The following FBN1 variants were observed in gnomAD, a reference collection of about 807,000 sequenced individuals.
FBN1 encodes the protein fibrillin 1.
A neutral mutation model predicts 365.1 loss-of-function variants in FBN1; 29 were observed. The observed-to-expected ratio is 0.08, with a 90% CI of 0.06 to 0.11. FBN1 has a LOEUF of 0.11. Ranked by LOEUF, FBN1 falls within the 10% of genes least tolerant of loss-of-function variation. The probability of loss-of-function intolerance (pLI) is 1.00; values close to 1 mark genes in which losing one functional copy is unlikely to be tolerated. For synonymous variants in FBN1, 1,210 were observed against 1,270.5 expected (o/e 0.95, Z 1.01); for missense variants, 2,476 against 3,703.2 (o/e 0.67, Z 8.60).
At chr15:48,468,144 T>C in intron 37 of FBN1, 42 bp from the exon 38 acceptor site, 2 of 1,611,012 alleles carry the variant, frequency 1.2e-6, no homozygotes, top group Non-Finnish European at 8.5e-7. Context: ...GGCAGAATCT[T>C]TCTACTGGGG....
At chr15:48,477,568 T>C (rs909507813) in intron 32 of FBN1, among the ~76,000 whole-genome samples, 3 of 152,146 alleles carry the variant, frequency 2.0e-5, no homozygotes, top group Admixed American at 6.5e-5. Context: ...ATTGTTTCTG[T>C]GGCAGACTTG....
At chr15:48,581,071 C>A (rs140346390) in intron 6 of FBN1, among the ~76,000 whole-genome samples, 1 of 152,128 alleles carries the variant, frequency 6.6e-6, no homozygotes, top group African/African-American at 2.4e-5. Flanking sequence ...CACCATCAAC[C>A]CATGTCCTAT....
chr15:48,635,618 G>A (rs1890078512), intron 2 of FBN1, among the ~76,000 whole-genome samples: 1 of 152,126 alleles, frequency 6.6e-6, no homozygotes, highest in Admixed American at 6.5e-5. Flanking sequence ...ACAGAAGAAA[G>A]TTAAAACATA....
Position 48,513,440 on chromosome 15 carries a change from G to A in FBN1, c.1588+109C>T, listed in dbSNP as rs2306352. 403,543 of 1,491,864 alleles carry A rather than the reference G, an allele frequency of 0.27. 61,862 individuals are homozygous for A. The highest frequency in any genetic ancestry group is 0.65 in the African/African-American group (47,285 of 72,670). The allele number at this position is 1,491,864 out of a possible 1,614,324, so 92.4% of individuals were successfully genotyped here. A position where few individuals can be genotyped will look rare whatever the true frequency, so the allele number is the denominator to read the frequency against. On this transcript the variant is annotated intron_variant, in intron 13 of 65. Transcript: ENST00000316623. ...CTAAGTTCAAAAAAGCCACGGGACT[G>A]TATTAGTCTCTTCCGGCATGGGTTA...
chr15:48,490,440 G>C (rs1334611834), intron 24 of FBN1, among the ~76,000 whole-genome samples: 2 of 152,120 alleles, frequency 1.3e-5, no homozygotes, highest in African/African-American at 2.4e-5. Context: ...GTCTTGGCAT[G>C]TCCTCCACAG....
chr15:48,603,630 G>A (rs758540768), intron 4 of FBN1, among the ~76,000 whole-genome samples: 3 of 152,088 alleles, frequency 2.0e-5, no homozygotes, highest in African/African-American at 2.4e-5. Flanking sequence ...CAAGTTCTAC[G>A]TCTCTTAAAA....
chr15:48,526,208 A>C lies in FBN1; in HGVS notation c.910T>G (p.Cys304Gly). The C allele has an allele frequency of 6.2e-7, 1 of 1,614,076 alleles. No individual in the cohort carries two copies. Among genetic ancestry groups the C allele is most frequent in the African/African-American group, 1.3e-5 (1 of 75,028 alleles). ...TIPGICEGGECTNTVSSYFCK... is the reference protein window; with the variant it reads ...TIPGICEGGEGTNTVSSYFCK... ...AAGTAACTGCTGACTGTGTTTGTAC[A>C]TTCACCCCCTTCACAGATTCCAGGA... The change falls in exon 9 of 66, where the codon TGT (cysteine) becomes GGT (glycine). Residue 304 changes from cysteine (C) to glycine (G), a missense_variant. Cys to Gly is a radical substitution (Grantham distance 159). Coordinates refer to ENST00000316623, the MANE Select transcript of FBN1 (RefSeq NM_000138.5).
chr15:48,451,771 A>T (rs1014916144), intron 45 of FBN1, among the ~76,000 whole-genome samples: 1 of 152,242 alleles, frequency 6.6e-6, no homozygotes, highest in Non-Finnish European at 1.5e-5. Context: ...GAATTACTTA[A>T]AAACTTACAA....
intron 46 of FBN1, among the ~76,000 whole-genome samples, chr15:48,448,285 T>TG (rs1314942734): frequency 1.3e-5 from 2 of 152,174 alleles, no homozygotes; most frequent in Non-Finnish European, 2.9e-5. Flanking sequence ...ATCAGCATCC[T>TG]GATAATAGAG....
At chr15:48,505,627 A>G (rs1228690079) in intron 15 of FBN1, among the ~76,000 whole-genome samples, 2 of 152,244 alleles carry the variant, frequency 1.3e-5, no homozygotes, top group Non-Finnish European at 2.9e-5. Context: ...CCTAAAATTA[A>G]AGGATATACA....
chr15:48,526,355 C>T (rs2043914944), intron 8 of FBN1, 100 bp from the exon 9 acceptor site: 5 of 1,273,534 alleles, frequency 3.9e-6, no homozygotes, highest in Non-Finnish European at 5.6e-6. Flanking sequence ...AATCATGTCC[C>T]TGGAAACAGC....
At chr15:48,612,918 T>C (rs2044667997) in intron 3 of FBN1, 92 bp downstream of exon 3, 4 of 908,222 alleles carry the variant, frequency 4.4e-6, no homozygotes, top group East Asian at 4.8e-5. Context: ...AGATTAATAG[T>C]ACAGTTACAA....
intron 6 of FBN1, among the ~76,000 whole-genome samples, chr15:48,552,281 T>C (rs2044148330): frequency 6.6e-6 from 1 of 151,754 alleles, no homozygotes; most frequent in African/African-American, 2.4e-5. Context: ...TTTTTCTTTT[T>C]TTTTTTTTTG....
intron 46 of FBN1, 134 bp from the exon 47 acceptor site, chr15:48,446,956 A>G: frequency 1.5e-6 from 1 of 668,986 alleles, no homozygotes; most frequent in East Asian, 2.7e-5. Flanking sequence ...TGTTGGTATC[A>G]GCTCCAGCAG....
intron 16 of FBN1, 61 bp downstream of exon 16, chr15:48,504,964 G>C: frequency 6.2e-7 from 1 of 1,608,966 alleles, no homozygotes; most frequent in Non-Finnish European, 8.5e-7. Flanking sequence ...GTTACCATTG[G>C]GCTTTATTGA....
chr15:48,541,160 A>G (rs1018577123), intron 6 of FBN1, among the ~76,000 whole-genome samples: 1 of 152,082 alleles, frequency 6.6e-6, no homozygotes, highest in Non-Finnish European at 1.5e-5. Context: ...TATTATTCTT[A>G]TTTCAATATG....
chr15:48,431,944 C>T (rs1411039107), intron 55 of FBN1, among the ~76,000 whole-genome samples: 5 of 152,074 alleles, frequency 3.3e-5, no homozygotes, highest in East Asian at 1.9e-4. Flanking sequence ...CATAAGCCAC[C>T]GTGCCTGGCC....
rs1555395748 is a variant in FBN1, at chr15:48,445,416, A to T, written c.5877T>A (p.Asn1959Lys). 6.2e-7 allele frequency: 1 copy of T among 1,612,672 alleles called. No homozygotes were observed. Among genetic ancestry groups the T allele is most frequent in the Non-Finnish European group, 8.5e-7 (1 of 1,179,198 alleles). ...CATCTGGAGCCACCTCATAGCCTTCATTGCACTGGCACTGGAAAGACCCCA... is the reference window on the plus strand; with the variant it reads ...CATCTGGAGCCACCTCATAGCCTTCTTTGCACTGGCACTGGAAAGACCCCA... The part of the protein sequence containing the change: ...NTVGSFQCQC[N>K]EGYEVAPDGR... Residue 1959 changes from asparagine (N) to lysine (K), a missense_variant, in exon 48 of 66, where the codon AAT (asparagine) becomes AAA (lysine). By Grantham distance (94) the Asn-to-Lys change is moderately conservative. This residue lies in a region of FBN1 where 1,780 missense variants were observed against 2,840.8 expected (regional missense o/e 0.63). Coordinates refer to ENST00000316623, the MANE Select transcript of FBN1 (RefSeq NM_000138.5).
chr15:48,533,374 A>G (rs2043988603), intron 8 of FBN1, among the ~76,000 whole-genome samples: 1 of 152,136 alleles, frequency 6.6e-6, no homozygotes, highest in Non-Finnish European at 1.5e-5. Context: ...CTGCCTACAT[A>G]TTTTCTAGAT....
Sources: gnomAD v4.1 joint callset for allele counts (sites outside exome capture counted in the v4.1 genomes callset) on GRCh38, gnomAD v4.1.1 for gene constraint, gnomAD v4.1.1 regional missense constraint, MANE v1.5 for transcripts, NCBI Gene and HGNC (gene_info 2026-07-23, HGNC 2026-07-21) for gene names.